Variants in CDH22 observed in about 807,000 individuals in gnomAD.
CDH22 encodes the protein cadherin-22.
Under a neutral mutation model 58.4 loss-of-function variants are expected in CDH22, and 30 were observed. The observed-to-expected ratio is 0.51, with a 90% confidence interval of 0.38 to 0.70. The LOEUF (loss-of-function observed/expected upper bound fraction) is 0.70. Among genes scored for constraint, CDH22 ranks in the 30% least tolerant of loss-of-function variants. The probability of loss-of-function intolerance (pLI) is 0.00; values close to 1 mark genes in which losing one functional copy is unlikely to be tolerated. For missense variants in CDH22, 1,014 were observed against 1,233.9 expected (o/e 0.82, Z 2.67); for synonymous variants, 513 against 558.2 (o/e 0.92, Z 1.14).
chr20:46,301,288 C>T (rs143375515), intron 1 of CDH22, among the ~76,000 whole-genome samples: 3 of 152,058 alleles, frequency 2.0e-5, no homozygotes, highest in Non-Finnish European at 2.9e-5. Context: ...CAGTGTTAAG[C>T]GCTTTGTCTG....
intron 1 of CDH22, among the ~76,000 whole-genome samples, chr20:46,298,992 C>A (rs909434952): frequency 6.6e-6 from 1 of 152,118 alleles, no homozygotes; most frequent in African/African-American, 2.4e-5. Flanking sequence ...CCGTCTGTTG[C>A]CTCCTTTCTC....
In CDH22 at chr20:46,240,969, G is replaced by T; in HGVS notation, c.544C>A (p.Pro182Thr). ...PYIGSVAELS[P>T]TGTSVMQVMA... ...CCCAGGGCCCACAGCCCACCTGTAG[G>T]TGAGAGCTCGGCCACGCTGCCAATA... The change falls in exon 3 of 12, where the codon CCT becomes ACT. Residue 182 changes from proline (P) to threonine (T), a missense_variant. Transcript: ENST00000537909. 2 of 1,611,408 alleles carry T rather than the reference G, an allele frequency of 1.2e-6. No homozygotes were observed. Among genetic ancestry groups the T allele is most frequent in the South Asian group, 2.2e-5 (2 of 90,924 alleles).
At chr20:46,235,831 T>G (rs2086248168) in intron 3 of CDH22, among the ~76,000 whole-genome samples, 1 of 152,228 alleles carries the variant, frequency 6.6e-6, no homozygotes, top group African/African-American at 2.4e-5. Flanking sequence ...CTCCCAACCT[T>G]GCCTCCTACA....
At chr20:46,298,812 A>G (rs1292213794) in intron 1 of CDH22, among the ~76,000 whole-genome samples, 1 of 152,108 alleles carries the variant, frequency 6.6e-6, no homozygotes, top group Non-Finnish European at 1.5e-5. Context: ...CCCAGACACC[A>G]GGCCTGAGAC....
intron 8 of CDH22, among the ~76,000 whole-genome samples, chr20:46,191,832 C>T (rs1169063363): frequency 1.3e-5 from 2 of 152,136 alleles, no homozygotes; most frequent in African/African-American, 4.8e-5. Context: ...TCCTTGATTG[C>T]TCTCAGTTCT....
intron 4 of CDH22, among the ~76,000 whole-genome samples, chr20:46,223,684 T>C (rs2086145532): frequency 1.4e-5 from 1 of 73,498 alleles, no homozygotes; most frequent in African/African-American, 5.3e-5. Context: ...TTTCTTTCTT[T>C]CTTTCTTTCT....
rs1175639058 is a variant in CDH22 at position 46,251,431 on chromosome 20, C to T, written c.-137G>A. On this transcript the variant is annotated 5_prime_UTR_variant, in exon 2 of 12. Transcript: ENST00000537909. This position sits in a 1 kb window ranked among gnomAD's most constrained non-coding sequence, Gnocchi z 6.7. ...CGCCGGGATGTCGCCCCCGACGGGGCACCCGGACGGGCCCGCGGCCCTGAA... is the reference window on the plus strand; with the variant it reads ...CGCCGGGATGTCGCCCCCGACGGGGTACCCGGACGGGCCCGCGGCCCTGAA... The T allele has an allele frequency of 6.6e-5, 70 of 1,053,320 alleles. No individual in the cohort carries two copies. The South Asian group carries it at 1.3e-3, about 20-fold the overall frequency. 65.2% of individuals were successfully genotyped at this position (1,053,320 alleles called of 1,614,324 possible). A position where few individuals can be genotyped will look rare whatever the true frequency, so the allele number is the denominator to read the frequency against.
rs537070054 is a variant in CDH22, at chr20:46,181,612, C to T, written c.1664-3415G>A. Among the ~76,000 whole-genome samples the T allele has an allele frequency of 3.4e-5, 5 of 145,110 alleles. No homozygotes were observed. The East Asian group carries it at 1.0e-3, about 30-fold the overall frequency. The stretch of plus-strand genomic sequence containing the variant: ...TTCCCTTCCTTCCCTTCCTTCCTTC[C>T]CTCCCTCCCTCCCTCCCTTCCTTCC... On this transcript the variant is annotated intron_variant, in intron 10 of 11. Transcript: ENST00000537909.
chr20:46,303,570 T>C (rs1276781035), intron 1 of CDH22, among the ~76,000 whole-genome samples: 1 of 152,190 alleles, frequency 6.6e-6, no homozygotes, highest in Non-Finnish European at 1.5e-5. Context: ...TATATATATA[T>C]ACATTTTAAA....
intron 4 of CDH22, 78 bp downstream of exon 4, chr20:46,227,430 C>T: frequency 1.5e-6 from 2 of 1,339,588 alleles, no homozygotes; most frequent in Non-Finnish European, 2.1e-6. Flanking sequence ...TCAGAGCAGA[C>T]GTCTGGGGTG....
intron 1 of CDH22, among the ~76,000 whole-genome samples, chr20:46,276,406 T>C (rs1009816808): frequency 2.6e-5 from 4 of 152,200 alleles, no homozygotes; most frequent in Non-Finnish European, 4.4e-5. Flanking sequence ...GGAGACTGTT[T>C]AGCTAGTCCG....
At chr20:46,289,443 A>G (rs1026334216) in intron 1 of CDH22, among the ~76,000 whole-genome samples, 2 of 152,176 alleles carry the variant, frequency 1.3e-5, no homozygotes, top group Non-Finnish European at 2.9e-5. Flanking sequence ...TATTCCCAGC[A>G]TTTAGAACAG....
At chr20:46,273,076 C>T (rs2086500412) in intron 1 of CDH22, among the ~76,000 whole-genome samples, 1 of 152,142 alleles carries the variant, frequency 6.6e-6, no homozygotes, top group South Asian at 2.1e-4. Context: ...CACCCTTACC[C>T]CAAGGGTGAA....
At chr20:46,287,601 G>T (rs1202932141) in intron 1 of CDH22, among the ~76,000 whole-genome samples, 1 of 151,838 alleles carries the variant, frequency 6.6e-6, no homozygotes, top group Non-Finnish European at 1.5e-5. Flanking sequence ...CACGTCAGGA[G>T]CAATGGGGAA....
chr20:46,198,603 G>C (rs1187713356), intron 8 of CDH22, among the ~76,000 whole-genome samples: 1 of 152,168 alleles, frequency 6.6e-6, no homozygotes, highest in Non-Finnish European at 1.5e-5. Flanking sequence ...GCAGCTGCCA[G>C]AGGTACCCTG....
In CDH22 at chr20:46,210,393, G is replaced by A. The variant is rs1374715125; in HGVS notation, c.1200C>T (p.Leu400=). The part of the protein sequence containing the change: ...EPPEFRPPSG[L]LEVQEDAQVG... ...CCTGCGCGTCCTCCTGCACCTCCAG[G>A]AGGCCGGAGGGCGGCCGGAACTCGG... The change falls in exon 7 of 12, where the codon CTC becomes CTT. Residue 400 remains leucine, a synonymous_variant. Coordinates refer to ENST00000537909, the MANE Select transcript of CDH22 (RefSeq NM_021248.3). This position sits in a 1 kb window ranked among gnomAD's most constrained non-coding sequence, Gnocchi z 4.5. 2 of 1,470,482 alleles carry A rather than the reference G, an allele frequency of 1.4e-6. No individual in the cohort carries two copies. Among genetic ancestry groups the A allele is most frequent in the Non-Finnish European group, 1.8e-6 (2 of 1,112,706 alleles). 91.1% of individuals were successfully genotyped at this position (1,470,482 alleles called of 1,614,324 possible).
At chr20:46,181,752 C>CTTCCTTCGTTCGTTCCTTCTTTCT in intron 10 of CDH22, among the ~76,000 whole-genome samples, 9 of 26,256 alleles carry the variant, frequency 3.4e-4, no homozygotes, top group South Asian at 1.4e-3. Flanking sequence ...TCCTTCCTTC[C>CTTCCTTCGTTCGTTCCTTCTTTCT]TTCTTTCTTT....
At chr20:46,175,960 C>G (rs955651906) in intron 11 of CDH22, among the ~76,000 whole-genome samples, 2 of 152,304 alleles carry the variant, frequency 1.3e-5, no homozygotes, top group South Asian at 2.1e-4. Flanking sequence ...TTGAAGCATG[C>G]TTGTTGAATG....
intron 1 of CDH22, among the ~76,000 whole-genome samples, chr20:46,266,788 C>G (rs1162759359): frequency 6.6e-6 from 1 of 152,134 alleles, no homozygotes; most frequent in Non-Finnish European, 1.5e-5. Flanking sequence ...CAGGGCTCAT[C>G]AGAGGACAGG....
Sources: gnomAD v4.1 joint callset for allele counts (sites outside exome capture counted in the v4.1 genomes callset) on GRCh38, gnomAD v4.1.1 for gene constraint, Gnocchi (gnomAD v3.1) non-coding constraint, MANE v1.5 for transcripts, NCBI Gene and HGNC (gene_info 2026-07-23, HGNC 2026-07-21) for gene names.